The following CDH18 variants were observed in gnomAD, a reference collection of about 807,000 sequenced individuals.
The protein encoded by CDH18 is cadherin-18.
A neutral mutation model predicts 67.9 loss-of-function variants in CDH18; 31 were observed. The ratio of observed to expected loss-of-function variants is 0.46; its 90% CI spans 0.34 to 0.62. The LOEUF is 0.62. Ranked by LOEUF, CDH18 falls within the 20% of genes least tolerant of loss-of-function variation. The pLI is 0.01. For synonymous variants in CDH18, 362 were observed against 347.2 expected (o/e 1.04, Z -0.48); for missense variants, 890 against 975.5 (o/e 0.91, Z 1.17).
intron 1 of CDH18, among the ~76,000 whole-genome samples, chr5:20,561,992 T>C (rs1758245122): frequency 6.6e-6 from 1 of 151,882 alleles, no homozygotes; most frequent in African/African-American, 2.4e-5. Flanking sequence ...CCAAATCAAA[T>C]AGGCTATTAT....
chr5:19,594,977 C>A (rs1255869509), intron 6 of CDH18, among the ~76,000 whole-genome samples: 2 of 151,802 alleles, frequency 1.3e-5, no homozygotes, highest in African/African-American at 4.8e-5. Context: ...GGAACTAAAT[C>A]AGAATGAAAT....
chr5:19,789,118 C>T (rs1294134074), intron 3 of CDH18, among the ~76,000 whole-genome samples: 1 of 152,136 alleles, frequency 6.6e-6, no homozygotes, highest in Middle Eastern at 3.2e-3. Context: ...GATGATTGTT[C>T]TTTCCCCACT....
chr5:20,278,720 G>A (rs1478132338), intron 1 of CDH18, among the ~76,000 whole-genome samples: 1 of 152,074 alleles, frequency 6.6e-6, no homozygotes, highest in East Asian at 1.9e-4. Context: ...CAGTTAAAAA[G>A]TAGGGTGATA....
At chr5:19,995,227 C>T (rs1224704753) in intron 2 of CDH18, among the ~76,000 whole-genome samples, 2 of 151,976 alleles carry the variant, frequency 1.3e-5, no homozygotes, top group Non-Finnish European at 2.9e-5. Flanking sequence ...CATCACTTAG[C>T]CCAGTCACAT....
intron 2 of CDH18, among the ~76,000 whole-genome samples, chr5:19,978,612 GTTAGC>G (rs1798727220): frequency 6.6e-6 from 1 of 152,124 alleles, no homozygotes; most frequent in South Asian, 2.1e-4. Flanking sequence ...AAATCAAAGT[GTTAGC>G]ATGGCTGTAT....
intron 5 of CDH18, among the ~76,000 whole-genome samples, chr5:19,646,574 G>A (rs897609742): frequency 2.0e-5 from 3 of 151,918 alleles, no homozygotes; most frequent in Non-Finnish European, 4.4e-5. Flanking sequence ...TCCTGACCTC[G>A]TCGTGATCCA....
At chr5:19,963,181 G>A (rs115356158) in intron 2 of CDH18, among the ~76,000 whole-genome samples, 139 of 152,106 alleles carry the variant, frequency 9.1e-4, no homozygotes, top group South Asian at 3.1e-3. Context: ...CTTACATACC[G>A]TCATAATTTT....
intron 1 of CDH18, among the ~76,000 whole-genome samples, chr5:20,319,091 C>T (rs192470360): frequency 2.4e-4 from 36 of 152,248 alleles, no homozygotes; most frequent in African/African-American, 8.4e-4. Flanking sequence ...CACTTCCTCA[C>T]GATCCTGCTA....
At chr5:19,851,432 AAC>A (rs932419531) in intron 2 of CDH18, among the ~76,000 whole-genome samples, 29 of 126,314 alleles carry the variant, frequency 2.3e-4, no homozygotes, top group African/African-American at 6.8e-4. Flanking sequence ...CCAAAAAAAA[AAC>A]AAACCCAAAA....
At chr5:19,852,624 T>C (rs570404169) in intron 2 of CDH18, among the ~76,000 whole-genome samples, 3 of 152,196 alleles carry the variant, frequency 2.0e-5, no homozygotes, top group Admixed American at 6.6e-5. Context: ...CTGGATAGTA[T>C]AAGCCATGGC....
At chr5:20,265,792 C>G (rs1315158561) in intron 1 of CDH18, among the ~76,000 whole-genome samples, 1 of 152,094 alleles carries the variant, frequency 6.6e-6, no homozygotes, top group Non-Finnish European at 1.5e-5. Flanking sequence ...ATTTTATGTG[C>G]CAACTTGACT....
chr5:20,379,165 CATAAAAT>C (rs1743703015), intron 1 of CDH18, among the ~76,000 whole-genome samples: 1 of 151,924 alleles, frequency 6.6e-6, no homozygotes, highest in Non-Finnish European at 1.5e-5. Flanking sequence ...AAAGAGAAAC[CATAAAAT>C]ATAAATCATT....
intron 2 of CDH18, among the ~76,000 whole-genome samples, chr5:19,896,908 A>C (rs920746523): frequency 1.6e-4 from 24 of 152,268 alleles, no homozygotes; most frequent in African/African-American, 5.3e-4. Context: ...GTGTTACCTT[A>C]GATTTGCATG....
intron 1 of CDH18, among the ~76,000 whole-genome samples, chr5:20,335,524 A>T (rs539094999): frequency 6.6e-6 from 1 of 152,240 alleles, no homozygotes; most frequent in South Asian, 2.1e-4. Context: ...TTAAGGTCAC[A>T]TTCCCAATGA....
At chr5:20,129,163 A>G (rs1345802468) in intron 2 of CDH18, among the ~76,000 whole-genome samples, 1 of 152,026 alleles carries the variant, frequency 6.6e-6, no homozygotes, top group East Asian at 1.9e-4. Context: ...GTTGATTGAG[A>G]CAGAGAGAAT....
chr5:20,257,743 T>G (rs1744356986), intron 1 of CDH18, among the ~76,000 whole-genome samples: 1 of 152,118 alleles, frequency 6.6e-6, no homozygotes, highest in Non-Finnish European at 1.5e-5. Flanking sequence ...GAAAAAGAAT[T>G]TATAATATTT....
intron 2 of CDH18, among the ~76,000 whole-genome samples, chr5:20,229,548 T>C (rs1741900372): frequency 6.6e-6 from 1 of 152,160 alleles, no homozygotes; most frequent in Admixed American, 6.6e-5. Context: ...AAATATGCTT[T>C]GTCCACTAAA....
intron 9 of CDH18, among the ~76,000 whole-genome samples, chr5:19,530,023 C>T (rs907081726): frequency 2.0e-5 from 3 of 152,142 alleles, no homozygotes; most frequent in African/African-American, 4.8e-5. Flanking sequence ...TAGGAGAACT[C>T]ACACTATCTG....
chr5:20,411,776 T>C (rs1366559394), intron 1 of CDH18, among the ~76,000 whole-genome samples: 1 of 133,390 alleles, frequency 7.5e-6, no homozygotes, highest in Non-Finnish European at 1.7e-5. Flanking sequence ...GCAATCTCAT[T>C]TACAATAGCC....
Sources: gnomAD v4.1 joint callset for allele counts (sites outside exome capture counted in the v4.1 genomes callset) on GRCh38, gnomAD v4.1.1 for gene constraint, MANE v1.5 for transcripts, NCBI Gene and HGNC (gene_info 2026-07-23, HGNC 2026-07-21) for gene names.